Variants in SOS2 observed in about 807,000 individuals in gnomAD.
SOS2 encodes the protein son of sevenless homolog 2.
In SOS2, 65 loss-of-function variants were observed where a neutral mutation model predicts 148.2. The observed-to-expected ratio is 0.44, with a 90% CI of 0.36 to 0.54. The LOEUF is 0.54. Among genes scored for constraint, SOS2 ranks in the 20% least tolerant of loss-of-function variants. SOS2 has a pLI of 0.00. For missense variants in SOS2, 1,341 were observed against 1,590.2 expected, an observed-to-expected ratio of 0.84 and a Z score of 2.67; for synonymous variants, 539 against 537.1, an observed-to-expected ratio of 1.00 and a Z score of -0.05.
intron 14 of SOS2, among the ~76,000 whole-genome samples, chr14:50,147,189 C>T (rs1489819644): frequency 6.6e-6 from 1 of 151,788 alleles, no homozygotes; most frequent in Non-Finnish European, 1.5e-5. Context: ...GAGTGAGACC[C>T]CATCTTAAAC....
chr14:50,209,635 T>C (rs1421666375), intron 1 of SOS2, among the ~76,000 whole-genome samples: 2 of 151,806 alleles, frequency 1.3e-5, no homozygotes, highest in South Asian at 2.1e-4. Context: ...GGCACGCAAC[T>C]GTAGTCCCAG....
chr14:50,133,242 C>CTTTTTTTTTTTTTTTTTTTTTTT (rs753590435), intron 19 of SOS2, among the ~76,000 whole-genome samples: 2 of 78,816 alleles, frequency 2.5e-5, no homozygotes, highest in Non-Finnish European at 4.7e-5. Flanking sequence ...TTTCTTTTTT[C>CTTTTTTTTTTTTTTTTTTTTTTT]TTTTTTCTTT....
chr14:50,224,274 G>A (rs1271584832), intron 1 of SOS2, among the ~76,000 whole-genome samples: 1 of 136,592 alleles, frequency 7.3e-6, no homozygotes, highest in Non-Finnish European at 1.5e-5. Flanking sequence ...CTGGGTGACA[G>A]AGCAAGACTC....
At chr14:50,183,175 AATGTT>A (rs1345563845) in intron 5 of SOS2, among the ~76,000 whole-genome samples, 3 of 152,152 alleles carry the variant, frequency 2.0e-5, no homozygotes, top group Non-Finnish European at 2.9e-5. Flanking sequence ...GTAAAATATG[AATGTT>A]TACTTTCATG....
chr14:50,221,280 T>A (rs560777387), intron 1 of SOS2, among the ~76,000 whole-genome samples: 4 of 152,332 alleles, frequency 2.6e-5, no homozygotes, highest in Non-Finnish European at 5.9e-5. Context: ...AAGATCGCTA[T>A]TAAATTTGTT....
chr14:50,119,041 G>T (rs960119721), intron 22 of SOS2, among the ~76,000 whole-genome samples, 188 bp from the exon 23 acceptor site: 2 of 152,066 alleles, frequency 1.3e-5, no homozygotes, highest in African/African-American at 2.4e-5. Context: ...TTATATATGA[G>T]ATGTTTTAAT....
intron 3 of SOS2, 105 bp downstream of exon 3, chr14:50,200,848 T>C (rs1005827480): frequency 1.4e-5 from 14 of 991,600 alleles, no homozygotes; most frequent in Admixed American, 7.9e-5. Flanking sequence ...AGTGCACATA[T>C]ACACACTAAC....
chr14:50,224,314 TACACACACACACACACACAC>T lies in SOS2; in HGVS notation c.87+6863_87+6882del, dbSNP rs71118856. Among the ~76,000 whole-genome samples, 21 of 101,030 alleles carry T rather than the reference TACACACACACACACACACAC, an allele frequency of 2.1e-4. 2 individuals are homozygous for T. The highest frequency in any genetic ancestry group is 4.9e-3 in the Middle Eastern group (1 of 204). 66.3% of individuals were successfully genotyped at this position (101,030 alleles called of 152,430 possible). ...TCAGGAAAAAAAAAAAATATATATA[TACACACACACACACACACAC>T]ACACACACACACACACACACACACA... On this transcript the variant is annotated intron_variant, in intron 1 of 22. Coordinates refer to ENST00000216373, the MANE Select transcript of SOS2 (RefSeq NM_006939.4).
chr14:50,223,318 T>G (rs1429487759), intron 1 of SOS2, among the ~76,000 whole-genome samples: 1 of 152,134 alleles, frequency 6.6e-6, no homozygotes, highest in African/African-American at 2.4e-5. Flanking sequence ...GAGGAATGCT[T>G]GGGCCCAGGA....
chr14:50,121,228 C>A (rs1436002508), intron 21 of SOS2, among the ~76,000 whole-genome samples: 1 of 152,074 alleles, frequency 6.6e-6, no homozygotes, highest in Non-Finnish European at 1.5e-5. Context: ...CAGGAAAATA[C>A]CCCTAAACAG....
chr14:50,134,621 A>G (rs1346761821), intron 18 of SOS2, among the ~76,000 whole-genome samples: 1 of 152,202 alleles, frequency 6.6e-6, no homozygotes, highest in Non-Finnish European at 1.5e-5. Context: ...CTATGGTTAT[A>G]ATCCACAATG....
Position 50,192,247 on chromosome 14 carries a change from C to T in SOS2, c.511-3547G>A, listed in dbSNP as rs1001757760. 7.9e-5 allele frequency among the ~76,000 whole-genome samples: 12 copies of T among 151,478 alleles called. 1 individual carries two copies. Among genetic ancestry groups the T allele is most frequent in the African/African-American group, 2.9e-4 (12 of 41,230 alleles). ...TGAAAGAGAAAATATATTCATACCC[C>T]ACTCCTGTTAGCTTCAGATTTTTCT... On this transcript the variant is annotated intron_variant, in intron 4 of 22. Transcript: ENST00000216373.
intron 1 of SOS2, among the ~76,000 whole-genome samples, chr14:50,221,212 T>A (rs1388229588): frequency 3.3e-5 from 5 of 152,198 alleles, no homozygotes; most frequent in African/African-American, 1.2e-4. Context: ...TTTTCTAATT[T>A]ATGGAAGAAA....
chr14:50,174,168 A>C (rs1885452631), intron 8 of SOS2, among the ~76,000 whole-genome samples: 1 of 137,480 alleles, frequency 7.3e-6, no homozygotes, highest in South Asian at 2.3e-4. Context: ...AAAATAGAGA[A>C]GAGAGTCATT....
In SOS2 at chr14:50,181,024, G is replaced by T. The variant is rs563149399; in HGVS notation, c.859-342C>A. On this transcript the variant is annotated intron_variant, in intron 6 of 22. Transcript: ENST00000216373. ...TACCGAGTTAGTGAAGGGAAAGGGT[G>T]AAGAAAGAAGGAAGCTTACATACAC... Among the ~76,000 whole-genome samples the T allele has an allele frequency of 2.6e-5, 4 of 152,278 alleles. No individual in the cohort carries two copies. The South Asian group carries it at 8.3e-4, about 32-fold the overall frequency.
rs1035038219 is a variant in SOS2 at position 50,180,633 on chromosome 14, G to T, written c.908C>A (p.Pro303Gln). The T allele has an allele frequency of 1.2e-6, 2 of 1,605,378 alleles. No homozygotes were observed. Among genetic ancestry groups the T allele is most frequent in the Non-Finnish European group, 1.7e-6 (2 of 1,176,318 alleles). Residue 303 changes from proline (P) to glutamine (Q), a missense_variant, in exon 7 of 23, where the codon CCA (proline) becomes CAA (glutamine). This residue lies in a region of SOS2 where 574 missense variants were observed against 711.1 expected (regional missense o/e 0.81). Transcript: ENST00000216373. ...YETLSQDILS[P>Q]EFHEHFNKLM... ...TTTATTGAAATGTTCATGAAACTCT[G>T]GTGAAAGAATGTCCTGTGATAATGT...
At chr14:50,130,831 C>T in intron 19 of SOS2, 69 bp from the exon 20 acceptor site, 1 of 1,370,220 alleles carries the variant, frequency 7.3e-7, no homozygotes, top group Non-Finnish European at 1.0e-6. Flanking sequence ...TGACTTAGAG[C>T]TACCTTATTA....
chr14:50,217,551 T>C (rs1484283046), intron 1 of SOS2, among the ~76,000 whole-genome samples: 1 of 151,804 alleles, frequency 6.6e-6, no homozygotes, highest in Non-Finnish European at 1.5e-5. Context: ...AAAATTAAAA[T>C]AAATAAATAA....
At chr14:50,132,735 T>C (rs1429991473) in intron 19 of SOS2, among the ~76,000 whole-genome samples, 2 of 152,146 alleles carry the variant, frequency 1.3e-5, no homozygotes, top group African/African-American at 4.8e-5. Flanking sequence ...TTTTTCTTGT[T>C]GAGTTTGTAG....
Sources: gnomAD v4.1 joint callset for allele counts (sites outside exome capture counted in the v4.1 genomes callset) on GRCh38, gnomAD v4.1.1 for gene constraint, gnomAD v4.1.1 regional missense constraint, MANE v1.5 for transcripts, NCBI Gene and HGNC (gene_info 2026-07-23, HGNC 2026-07-21) for gene names.